Variants in PRKDC observed in about 807,000 individuals in gnomAD.
PRKDC encodes protein kinase, DNA-activated, catalytic subunit.
PRKDC carries 82 observed loss-of-function variants against 486.9 expected under a neutral mutation model. That is an observed-to-expected ratio of 0.17 (90% CI 0.14 to 0.20). The LOEUF is 0.20. PRKDC is among the 10% of genes least tolerant of loss of function. The probability of loss-of-function intolerance (pLI) is 1.00; values close to 1 mark genes in which losing one functional copy is unlikely to be tolerated. For synonymous variants in PRKDC, 1,895 were observed against 1,837.0 expected (o/e 1.03, Z -0.81); for missense variants, 4,504 against 5,038.2 (o/e 0.89, Z 3.21).
At chr8:47,776,526 C>G (rs894194890) in intron 85 of PRKDC, among the ~76,000 whole-genome samples, 1 of 152,184 alleles carries the variant, frequency 6.6e-6, no homozygotes, top group African/African-American at 2.4e-5. Context: ...AAATTTAAAA[C>G]CTAAGTCTCC....
intron 20 of PRKDC, 100 bp from the exon 21 acceptor site, chr8:47,927,453 T>C (rs767050339): frequency 6.4e-5 from 85 of 1,337,000 alleles, no homozygotes; most frequent in Non-Finnish European, 8.6e-5. Context: ...ATACTCCTTT[T>C]TATTACTGGA....
In PRKDC at chr8:47,927,910, G is replaced by A. The variant is rs555554043; in HGVS notation, c.2140-20C>T. 2.6e-6 allele frequency: 4 copies of A among 1,518,090 alleles called. No individual in the cohort carries two copies. The highest frequency in any genetic ancestry group is 2.6e-6 in the Non-Finnish European group (3 of 1,135,770). 94.0% of individuals were successfully genotyped at this position (1,518,090 alleles called of 1,614,324 possible). The stretch of plus-strand genomic sequence containing the variant: ...TGCCACCTTAACAAGAAAGAAGACA[G>A]TAATGTATATCTGAATAGAGCCTAC... On this transcript the variant is annotated intron_variant, in intron 19 of 85. Coordinates refer to ENST00000314191, the MANE Select transcript of PRKDC (RefSeq NM_006904.7).
chr8:47,832,720 T>C (rs1352516547), intron 59 of PRKDC, among the ~76,000 whole-genome samples: 1 of 152,036 alleles, frequency 6.6e-6, no homozygotes, highest in Non-Finnish European at 1.5e-5. Context: ...AACAGCAAAC[T>C]GAGATGAAGA....
At chr8:47,858,756 A>G (rs1027432661) in intron 47 of PRKDC, 93 bp downstream of exon 47, 5 of 1,492,156 alleles carry the variant, frequency 3.4e-6, no homozygotes, top group East Asian at 2.3e-5. Context: ...TTATTTGATA[A>G]GCAGTTTGGT....
chr8:47,881,606 G>C, intron 37 of PRKDC, 86 bp from the exon 38 acceptor site: 1 of 723,796 alleles, frequency 1.4e-6, no homozygotes, highest in Non-Finnish European at 2.2e-6. Flanking sequence ...TTAAATTCCA[G>C]AAATGAATTG....
chr8:47,955,094 C>T (rs934699415), intron 4 of PRKDC, among the ~76,000 whole-genome samples: 2 of 151,962 alleles, frequency 1.3e-5, no homozygotes, highest in Non-Finnish European at 2.9e-5. Flanking sequence ...ACAGAAGTTG[C>T]AGTGAGCCGA....
intron 58 of PRKDC, among the ~76,000 whole-genome samples, 175 bp from the exon 59 acceptor site, chr8:47,834,571 C>T (rs932235832): frequency 1.5e-4 from 23 of 152,272 alleles, no homozygotes; most frequent in Non-Finnish European, 3.4e-4. Context: ...CAGGTACGTG[C>T]GCCTCAGTGC....
chr8:47,822,898 G>T (rs1021024017), intron 64 of PRKDC, among the ~76,000 whole-genome samples: 1 of 152,142 alleles, frequency 6.6e-6, no homozygotes. Flanking sequence ...GTACAAAACT[G>T]AACTTATATT....
chr8:47,883,361 C>T (rs747218153), intron 36 of PRKDC, among the ~76,000 whole-genome samples: 1 of 152,158 alleles, frequency 6.6e-6, no homozygotes, highest in Non-Finnish European at 1.5e-5. Context: ...TAGTGAAACC[C>T]CACGGTTCTG....
At chr8:47,885,739 A>C (rs1393649351) in intron 36 of PRKDC, among the ~76,000 whole-genome samples, 2 of 152,024 alleles carry the variant, frequency 1.3e-5, no homozygotes, top group Non-Finnish European at 2.9e-5. Context: ...AAAAATACAA[A>C]AAATTAGCTA....
intron 27 of PRKDC, 90 bp from the exon 28 acceptor site, chr8:47,900,557 C>G (rs2089660654): frequency 8.0e-7 from 1 of 1,246,142 alleles, no homozygotes; most frequent in South Asian, 1.4e-5. Context: ...AGAAGGCACA[C>G]ATTAATTAAA....
At chr8:47,952,437 G>A (rs887456743) in intron 7 of PRKDC, among the ~76,000 whole-genome samples, 1 of 152,220 alleles carries the variant, frequency 6.6e-6, no homozygotes, top group Admixed American at 6.5e-5. Flanking sequence ...ACAGATGAAG[G>A]GTTATCAGGT....
In PRKDC at chr8:47,915,233, T is replaced by C. The variant is rs191818526; in HGVS notation, c.2617+95A>G. ...TATTTAGAAATATATAAATCACATA[T>C]AGGAGCAAATATTCAGAATATATTA... On this transcript the variant is annotated intron_variant, in intron 23 of 85. Coordinates refer to ENST00000314191, the MANE Select transcript of PRKDC (RefSeq NM_006904.7). 138 of 671,050 alleles carry C rather than the reference T, an allele frequency of 2.1e-4. No homozygotes were observed. The Middle Eastern group carries it at 2.1e-3, about 10-fold the overall frequency. 41.6% of individuals were successfully genotyped at this position (671,050 alleles called of 1,614,324 possible).
chr8:47,825,745 A>C (rs1348669882), intron 63 of PRKDC, among the ~76,000 whole-genome samples: 1 of 152,170 alleles, frequency 6.6e-6, no homozygotes, highest in Non-Finnish European at 1.5e-5. Flanking sequence ...ACACATCTGA[A>C]GCAACAGGAG....
chr8:47,854,879 A>G (rs2088497110), intron 50 of PRKDC, among the ~76,000 whole-genome samples: 1 of 152,150 alleles, frequency 6.6e-6, no homozygotes, highest in African/African-American at 2.4e-5. Flanking sequence ...GTTGATAGCA[A>G]AACTTTTTGG....
chr8:47,816,593 A>G (rs1235229257), intron 68 of PRKDC, among the ~76,000 whole-genome samples: 1 of 152,242 alleles, frequency 6.6e-6, no homozygotes, highest in Non-Finnish European at 1.5e-5. Flanking sequence ...TAAGAAATGA[A>G]CACTGATCTA....
chr8:47,811,753 G>A (rs1305570861), intron 68 of PRKDC, among the ~76,000 whole-genome samples: 2 of 152,186 alleles, frequency 1.3e-5, no homozygotes, highest in Non-Finnish European at 2.9e-5. Context: ...GAGGTGGGTG[G>A]ATCACCTAAG....
At chr8:47,820,358 C>T (rs192115229) in intron 66 of PRKDC, among the ~76,000 whole-genome samples, 292 of 151,688 alleles carry the variant, frequency 1.9e-3, no homozygotes, top group African/African-American at 6.9e-3. Flanking sequence ...GTCTAGGCGA[C>T]AAAAGAGAAA....
intron 21 of PRKDC, among the ~76,000 whole-genome samples, chr8:47,925,790 G>A (rs2090147375): frequency 6.6e-6 from 1 of 152,100 alleles, no homozygotes; most frequent in Admixed American, 6.5e-5. Flanking sequence ...ACACAATAGA[G>A]AAAGTACATG....
Sources: gnomAD v4.1 joint callset for allele counts (sites outside exome capture counted in the v4.1 genomes callset) on GRCh38, gnomAD v4.1.1 for gene constraint, MANE v1.5 for transcripts, NCBI Gene and HGNC (gene_info 2026-07-23, HGNC 2026-07-21) for gene names.